CAPN2: variants seen among roughly 807,000 people sequenced by gnomAD.
CAPN2 encodes calpain 2.
CAPN2 carries 92 observed loss-of-function variants against 102.3 expected under a neutral mutation model. The ratio of observed to expected loss-of-function variants is 0.90; its 90% confidence interval spans 0.76 to 1.07. The LOEUF (loss-of-function observed/expected upper bound fraction) is 1.07. Ranked by LOEUF, CAPN2 falls within the 50% of genes least tolerant of loss-of-function variation. The pLI, the probability that CAPN2 is intolerant of heterozygous loss-of-function variation, is 0.00. For synonymous variants in CAPN2, 340 were observed against 355.4 expected (o/e 0.96, Z 0.49); for missense variants, 800 against 909.4 (o/e 0.88, Z 1.55).
At chr1:223,723,352 A>C (rs761757294) in intron 2 of CAPN2, among the ~76,000 whole-genome samples, 1 of 152,182 alleles carries the variant, frequency 6.6e-6, no homozygotes, top group Non-Finnish European at 1.5e-5. Context: ...ATAAGTACCC[A>C]TGTAGTTAAA....
In CAPN2 at chr1:223,759,753, C is replaced by T. The variant is rs570041504; in HGVS notation, c.1529+272C>T. Reference sequence around the variant, plus strand: ...GCAGGGTCTAATTTCATAAGCGTGTCTCTGAATTCTCAAGTTGGTACTTTA... The same window carrying T: ...GCAGGGTCTAATTTCATAAGCGTGTTTCTGAATTCTCAAGTTGGTACTTTA... On this transcript the variant is annotated intron_variant, in intron 12 of 20. Transcript: ENST00000295006. The surrounding 1 kb of genome is among the most constrained non-coding windows in gnomAD (Gnocchi z 4.6). Among the ~76,000 whole-genome samples, 32 of 152,308 alleles carry T rather than the reference C, an allele frequency of 2.1e-4. No homozygotes were observed. Among genetic ancestry groups the T allele is most frequent in the African/African-American group, 7.0e-4 (29 of 41,568 alleles).
intron 2 of CAPN2, among the ~76,000 whole-genome samples, chr1:223,738,469 C>G (rs1660521156): frequency 6.6e-6 from 1 of 152,180 alleles, no homozygotes; most frequent in African/African-American, 2.4e-5. Context: ...CCGTACCTAG[C>G]CCTATTGCTA....
intron 5 of CAPN2, among the ~76,000 whole-genome samples, chr1:223,747,866 G>A (rs566221460): frequency 7.0e-4 from 107 of 152,310 alleles, no homozygotes; most frequent in African/African-American, 2.5e-3. Context: ...TGGTTTCTGA[G>A]CACCCCAGTG....
chr1:223,745,228 G>A, intron 3 of CAPN2, 78 bp from the exon 4 acceptor site: 1 of 1,591,688 alleles, frequency 6.3e-7, no homozygotes, highest in Non-Finnish European at 8.6e-7. Flanking sequence ...CAGGGCAAGG[G>A]GAGCCAGAGG....
At chr1:223,749,350 C>A (rs1660830327) in intron 6 of CAPN2, 2 of 590,322 alleles carry the variant, frequency 3.4e-6, no homozygotes, top group South Asian at 4.1e-5. Context: ...GCGCCAGGGG[C>A]CCTGGTTTTA....
intron 1 of CAPN2, among the ~76,000 whole-genome samples, chr1:223,706,069 G>C (rs779707272): frequency 8.5e-5 from 13 of 152,182 alleles, no homozygotes; most frequent in Admixed American, 6.5e-5. Flanking sequence ...GGTGGGTGAG[G>C]GGCAGCAGCT....
intron 15 of CAPN2, 85 bp from the exon 16 acceptor site, chr1:223,766,282 T>A: frequency 2.0e-6 from 2 of 1,012,212 alleles, no homozygotes; most frequent in Admixed American, 1.7e-5. Context: ...AGGGCACAGA[T>A]AAAGAATATC....
At chr1:223,706,702 A>G (rs1046288481) in intron 1 of CAPN2, among the ~76,000 whole-genome samples, 6 of 151,970 alleles carry the variant, frequency 3.9e-5, no homozygotes, top group Non-Finnish European at 8.8e-5. Context: ...GTGCACAAAT[A>G]TGTGTAAAGT....
chr1:223,752,087 G>C lies in CAPN2; in HGVS notation c.974+16G>C, dbSNP rs1214665962. 2.5e-6 allele frequency: 4 copies of C among 1,576,074 alleles called. No homozygotes were observed. Among genetic ancestry groups the C allele is most frequent in the East Asian group, 2.2e-5 (1 of 44,652 alleles). On this transcript the variant is annotated intron_variant, in intron 8 of 20. Transcript: ENST00000295006. ...GAGAATTCTGGTAAGATTAGTGGAG[G>C]CTTCAGGGAAAGCTCTGTCTGCCCC...
intron 2 of CAPN2, among the ~76,000 whole-genome samples, chr1:223,732,078 G>C (rs1660350800): frequency 6.6e-6 from 1 of 152,194 alleles, no homozygotes; most frequent in African/African-American, 2.4e-5. Flanking sequence ...GGAGATAGGT[G>C]TGGGGCAGGG....
intron 2 of CAPN2, among the ~76,000 whole-genome samples, chr1:223,721,787 A>ATAAG (rs1359079179): frequency 6.6e-6 from 1 of 152,162 alleles, no homozygotes; most frequent in Non-Finnish European, 1.5e-5. Context: ...ACTTATTTGG[A>ATAAG]CCCAACCCCT....
At chr1:223,761,763 T>G in intron 13 of CAPN2, 146 bp downstream of exon 13, 42 of 649,150 alleles carry the variant, frequency 6.5e-5, no homozygotes, top group Non-Finnish European at 9.5e-5. Context: ...AAGAGTCGAC[T>G]ACCTGCATCA....
At chr1:223,749,402 T>C (rs1226659279) in intron 6 of CAPN2, 5 of 542,894 alleles carry the variant, frequency 9.2e-6, no homozygotes, top group Non-Finnish European at 1.6e-5. Flanking sequence ...ACAACCTTAC[T>C]ATTTTGATAA....
At chr1:223,764,015 C>T (rs1661249293) in intron 14 of CAPN2, 135 bp from the exon 15 acceptor site, 1 of 708,370 alleles carries the variant, frequency 1.4e-6, no homozygotes, top group African/African-American at 1.7e-5. Context: ...GCAGCCCCAA[C>T]ATGGCTCGGG....
chr1:223,760,764 G>A (rs866337119), intron 12 of CAPN2, among the ~76,000 whole-genome samples: 7 of 152,180 alleles, frequency 4.6e-5, no homozygotes, highest in African/African-American at 1.7e-4. Context: ...ACCCCAAGAG[G>A]ACACCCCACC....
At chr1:223,757,532 C>A in intron 11 of CAPN2, 152 bp downstream of exon 11, 1 of 809,288 alleles carries the variant, frequency 1.2e-6, no homozygotes, top group Non-Finnish European at 2.1e-6. Flanking sequence ...CTGAAGTTGC[C>A]CAGGCTCTAG....
intron 1 of CAPN2, among the ~76,000 whole-genome samples, chr1:223,705,078 G>C (rs1009651364): frequency 6.6e-6 from 1 of 152,090 alleles, no homozygotes; most frequent in Non-Finnish European, 1.5e-5. Flanking sequence ...CCTGCCCCTC[G>C]GCCAACACCA....
chr1:223,755,995 C>T lies in CAPN2; in HGVS notation c.1305+346C>T, dbSNP rs1009219069. ...AAGAACAGAATATACTGGGCCACAT[C>T]AGGCAATACTGTGAGGGCAGGACTG... On this transcript the variant is annotated intron_variant, in intron 10 of 20. Coordinates refer to ENST00000295006, the MANE Select transcript of CAPN2 (RefSeq NM_001748.5). This position sits in a 1 kb window ranked among gnomAD's most constrained non-coding sequence, Gnocchi z 4.1. 6.6e-6 allele frequency among the ~76,000 whole-genome samples: 1 copy of T among 152,254 alleles called. No individual in the cohort carries two copies. Among genetic ancestry groups the T allele is most frequent in the South Asian group, 2.1e-4 (1 of 4,830 alleles).
intron 20 of CAPN2, chr1:223,773,162 T>C (rs1219620235): frequency 6.6e-6 from 1 of 152,364 alleles, no homozygotes; most frequent in East Asian, 1.9e-4. Context: ...AAATATAGTC[T>C]ATCTGGTTAC....
Sources: allele counts gnomAD v4.1 joint callset (sites outside exome capture counted in the v4.1 genomes callset), GRCh38; gene constraint gnomAD v4.1.1; non-coding constraint Gnocchi (gnomAD v3.1); transcripts MANE v1.5; gene names NCBI Gene and HGNC (gene_info 2026-07-23, HGNC 2026-07-21).